JADE1: variants seen among roughly 807,000 people sequenced by gnomAD.
The protein encoded by JADE1 is protein Jade-1.
JADE1 carries 14 observed loss-of-function variants against 81.8 expected under a neutral mutation model. That is an observed-to-expected ratio of 0.17 (90% CI 0.11 to 0.27). The LOEUF is 0.27. Among genes scored for constraint, JADE1 ranks in the 10% least tolerant of loss-of-function variants. JADE1 has a pLI of 1.00. For synonymous variants in JADE1, 353 were observed against 391.9 expected (o/e 0.90, Z 1.17); for missense variants, 690 against 1,047.9 (o/e 0.66, Z 4.71).
intron 9 of JADE1, 117 bp downstream of exon 9, chr4:128,862,342 C>T: frequency 6.7e-7 from 1 of 1,495,792 alleles, no homozygotes; most frequent in Admixed American, 2.4e-5. Context: ...TTGTACACAC[C>T]ACAGCATGAG....
chr4:128,829,885 C>T (rs1560736416), intron 1 of JADE1, among the ~76,000 whole-genome samples: 1 of 150,324 alleles, frequency 6.7e-6, no homozygotes, highest in African/African-American at 2.4e-5. Flanking sequence ...CCACATTTTT[C>T]TTTTTTTTTC....
intron 5 of JADE1, among the ~76,000 whole-genome samples, chr4:128,849,668 C>T (rs538053159): frequency 1.2e-4 from 18 of 152,306 alleles, no homozygotes; most frequent in African/African-American, 2.4e-4. Flanking sequence ...GTTCTTTTTC[C>T]CTCCGTTTAT....
intron 1 of JADE1, among the ~76,000 whole-genome samples, chr4:128,821,251 A>G (rs1727539926): frequency 6.6e-6 from 1 of 152,206 alleles, no homozygotes; most frequent in Non-Finnish European, 1.5e-5. Flanking sequence ...GAAAACTGAG[A>G]CGCGGAATAA....
At chr4:128,827,594 C>T (rs1728188056) in intron 1 of JADE1, among the ~76,000 whole-genome samples, 2 of 152,146 alleles carry the variant, frequency 1.3e-5, no homozygotes, top group Admixed American at 6.5e-5. Flanking sequence ...TTTGGCTGGA[C>T]ACTTTGGACT....
Position 128,843,016 on chromosome 4 carries a change from A to T in JADE1, c.116A>T (p.His39Leu), listed in dbSNP as rs141704909. The change falls in exon 3 of 11, where the codon CAT (histidine) becomes CTT (leucine). Residue 39 changes from histidine to leucine, a missense_variant. Coordinates refer to ENST00000226319, the MANE Select transcript of JADE1 (RefSeq NM_199320.4). The stretch of plus-strand genomic sequence containing the variant: ...CATAGGAGAAGCTCCTGCTCCAGAC[A>T]TGAAGATCGAAAGCCTTCAGAGGTA... ...SQHRRSSCSR[H>L]EDRKPSEVFR... is the part of the protein sequence containing the mutation. 12 of 1,614,050 alleles carry T rather than the reference A, an allele frequency of 7.4e-6. No individual in the cohort carries two copies. Among genetic ancestry groups the T allele is most frequent in the Non-Finnish European group, 1.0e-5 (12 of 1,179,914 alleles).
At chr4:128,857,292 C>G (rs759743609) in intron 7 of JADE1, 46 bp from the exon 8 acceptor site, 2 of 1,429,108 alleles carry the variant, frequency 1.4e-6, no homozygotes, top group Non-Finnish European at 2.0e-6. Flanking sequence ...CATGTTCAGC[C>G]TTTGACGACC....
chr4:128,833,322 G>A (rs1394223357), intron 2 of JADE1, among the ~76,000 whole-genome samples: 1 of 152,124 alleles, frequency 6.6e-6, no homozygotes, highest in Non-Finnish European at 1.5e-5. Flanking sequence ...CTGCCCCTGT[G>A]TGGCGCCTAT....
At chr4:128,831,980 C>G (rs1728599045) in intron 2 of JADE1, among the ~76,000 whole-genome samples, 170 bp downstream of exon 2, 1 of 152,200 alleles carries the variant, frequency 6.6e-6, no homozygotes, top group Non-Finnish European at 1.5e-5. Flanking sequence ...GGTCTGTAAC[C>G]AGATCTTACT....
intron 8 of JADE1, among the ~76,000 whole-genome samples, chr4:128,860,024 A>G (rs185532658): frequency 4.6e-5 from 7 of 152,332 alleles, no homozygotes; most frequent in East Asian, 1.9e-4. Flanking sequence ...AAAGTCCTGT[A>G]TAAATATTCT....
At chr4:128,844,545 C>T (rs1414618303) in intron 3 of JADE1, among the ~76,000 whole-genome samples, 1 of 152,040 alleles carries the variant, frequency 6.6e-6, no homozygotes, top group Non-Finnish European at 1.5e-5. Context: ...TGGCAAACTC[C>T]TTTGTTTTTT....
chr4:128,809,771 G>C lies in JADE1; in HGVS notation c.-133G>C, dbSNP rs1007500669. 1.3e-5 allele frequency: 2 copies of C among 152,164 alleles called. No homozygotes were observed. The highest frequency in any genetic ancestry group is 2.9e-5 in the Non-Finnish European group (2 of 68,098). The allele number at this position is 152,164 out of a possible 1,614,324, so 9.4% of individuals were successfully genotyped here. On this transcript the variant is annotated 5_prime_UTR_variant, in exon 1 of 11. Coordinates refer to ENST00000226319, the MANE Select transcript of JADE1 (RefSeq NM_199320.4). The stretch of plus-strand genomic sequence containing the variant: ...GTGCCCGGTGTGTGCGCGCCGGCGA[G>C]AGCAGGGGCCCGCCCGGCTCCCCGC...
rs1290690025 is a variant in JADE1 at position 128,839,740 on chromosome 4, T to C, written c.53-3213T>C. Among the ~76,000 whole-genome samples, 3 of 152,336 alleles carry C rather than the reference T, an allele frequency of 2.0e-5. No homozygotes were observed. In the East Asian group the frequency reaches 5.8e-4, roughly 29 times the overall value. ...TTTGCATGTATCAGTAGCTCATTCC[T>C]TTTTATTGCTGGATGGTGTTCCACT... is the stretch of plus-strand genomic sequence containing the variant. On this transcript the variant is annotated intron_variant, in intron 2 of 10. Coordinates refer to ENST00000226319, the MANE Select transcript of JADE1 (RefSeq NM_199320.4).
chr4:128,820,250 T>G (rs958249763), intron 1 of JADE1, among the ~76,000 whole-genome samples: 1 of 152,102 alleles, frequency 6.6e-6, no homozygotes, highest in Non-Finnish European at 1.5e-5. Context: ...TAGCTGGGAT[T>G]ACAGGCATGT....
chr4:128,822,465 C>T (rs1196514360), intron 1 of JADE1, among the ~76,000 whole-genome samples: 1 of 152,010 alleles, frequency 6.6e-6, no homozygotes, highest in Non-Finnish European at 1.5e-5. Flanking sequence ...GTAATCCCAG[C>T]ACTTTGGGAG....
chr4:128,817,792 G>A (rs1419529058), intron 1 of JADE1, among the ~76,000 whole-genome samples: 1 of 152,166 alleles, frequency 6.6e-6, no homozygotes, highest in Admixed American at 6.5e-5. Context: ...AAACATGGGT[G>A]TTTCCTTAAG....
At chr4:128,859,992 G>T (rs1474400038) in intron 8 of JADE1, among the ~76,000 whole-genome samples, 2 of 152,210 alleles carry the variant, frequency 1.3e-5, no homozygotes, top group Non-Finnish European at 2.9e-5. Flanking sequence ...AAACCCAGAG[G>T]AAGGCCATTT....
chr4:128,863,531 T>C (rs2125893656), intron 9 of JADE1: 1 of 985,412 alleles, frequency 1.0e-6, no homozygotes, highest in African/African-American at 1.7e-5. Context: ...ATCCTTTTAA[T>C]ACACGACTGA....
In JADE1 at chr4:128,867,911, G is replaced by C; in HGVS notation, c.1559G>C (p.Cys520Ser). 1 of 1,613,892 alleles carries C rather than the reference G, an allele frequency of 6.2e-7. No homozygotes were observed. The highest frequency in any genetic ancestry group is 8.5e-7 in the Non-Finnish European group (1 of 1,179,846). ...TRREKIKRSV[C>S]KVQEQIFNLY... is the part of the protein sequence containing the mutation. ...AGGGAAAAGATTAAACGGTCTGTGT[G>C]CAAAGTCCAGGAACAGATATTCAAT... Residue 520 changes from cysteine (C) to serine (S), a missense_variant, in exon 10 of 11, where the codon TGC (cysteine) becomes TCC (serine). Transcript: ENST00000226319.
intron 6 of JADE1, among the ~76,000 whole-genome samples, chr4:128,854,897 C>T (rs747362292): frequency 3.3e-5 from 5 of 152,182 alleles, no homozygotes; most frequent in African/African-American, 7.2e-5. Context: ...CCATCTTGTA[C>T]AAAACAGGCT....
Sources: gnomAD v4.1 joint callset for allele counts (sites outside exome capture counted in the v4.1 genomes callset) on GRCh38, gnomAD v4.1.1 for gene constraint, MANE v1.5 for transcripts, NCBI Gene and HGNC (gene_info 2026-07-23, HGNC 2026-07-21) for gene names.